TAF10: variants seen among roughly 807,000 people sequenced by gnomAD.
TAF10 encodes TATA-box binding protein associated factor 10.
Under a neutral mutation model 18.1 loss-of-function variants are expected in TAF10, and 2 were observed. The ratio of observed to expected loss-of-function variants is 0.11; its 90% CI spans 0.05 to 0.35. TAF10 has a LOEUF of 0.35. TAF10 is among the 10% of genes least tolerant of loss of function. The pLI, the probability that TAF10 is intolerant of heterozygous loss-of-function variation, is 1.00. For missense variants in TAF10, 293 were observed against 306.9 expected (o/e 0.95, Z 0.34); for synonymous variants, 158 against 134.6 (o/e 1.17, Z -1.20).
rs1196775372 is a variant in TAF10 at position 6,606,703 on chromosome 11, G to A, written c.*4219C>T. On this transcript the variant is annotated 3_prime_UTR_variant, in exon 5 of 5. Coordinates refer to ENST00000299424, the MANE Select transcript of TAF10 (RefSeq NM_006284.4). ...GTTGGCTATATGCTGGATATGAAGAGGGGGTTAATTCCTTGCAGGTCTTCT... is the reference window on the plus strand; with the variant it reads ...GTTGGCTATATGCTGGATATGAAGAAGGGGTTAATTCCTTGCAGGTCTTCT... The A allele has an allele frequency of 6.6e-6, 1 of 152,274 alleles. No homozygotes were observed. Among genetic ancestry groups the A allele is most frequent in the Non-Finnish European group, 1.5e-5 (1 of 68,100 alleles). 9.4% of individuals were successfully genotyped at this position (152,274 alleles called of 1,614,324 possible).
chr11:6,611,855 G>C, intron 1 of TAF10, 37 bp from the exon 2 acceptor site: 8 of 1,589,708 alleles, frequency 5.0e-6, no homozygotes, highest in Non-Finnish European at 6.8e-6. Flanking sequence ...ACAGAGGTGG[G>C]AGGCGCAGGG....
Position 6,606,962 on chromosome 11 carries a change from GT to G in TAF10, c.*3959del, listed in dbSNP as rs1167772320. 2 of 152,294 alleles carry G rather than the reference GT, an allele frequency of 1.3e-5. No homozygotes were observed. Among genetic ancestry groups the G allele is most frequent in the Admixed American group, 1.3e-4 (2 of 15,294 alleles). The allele number at this position is 152,294 out of a possible 1,614,324, so 9.4% of individuals were successfully genotyped here. A position where few individuals can be genotyped will look rare whatever the true frequency, so the allele number is the denominator to read the frequency against. On this transcript the variant is annotated 3_prime_UTR_variant, in exon 5 of 5. Transcript: ENST00000299424. Reference sequence around the variant, plus strand: ...AGGAAAAGCTTTTGGCTATTTCTGTGTTAGCAGATGCGAGCAAGTTGTGGAG... The same window carrying G: ...AGGAAAAGCTTTTGGCTATTTCTGTGTAGCAGATGCGAGCAAGTTGTGGAG...
At position 6,606,448 on chromosome 11, in the gene TAF10, T is replaced by C. The variant is rs969165418; in HGVS notation, c.*4474A>G. On this transcript the variant is annotated 3_prime_UTR_variant, in exon 5 of 5. Transcript: ENST00000299424. ...ATACTTTGCAAAGTCATTTGTTCCA[T>C]TTTTCATATAATTCTCAAAGGGTAC... The C allele has an allele frequency of 6.6e-6, 1 of 152,196 alleles. No homozygotes were observed. The highest frequency in any genetic ancestry group is 2.4e-5 in the African/African-American group (1 of 41,442). The allele number at this position is 152,196 out of a possible 1,614,324, so 9.4% of individuals were successfully genotyped here. A position where few individuals can be genotyped will look rare whatever the true frequency, so the allele number is the denominator to read the frequency against.
At chr11:6,611,054 G>A (rs752434549) in intron 4 of TAF10, 43 bp from the exon 5 acceptor site, 32 of 1,607,794 alleles carry the variant, frequency 2.0e-5, no homozygotes, top group African/African-American at 5.4e-5. Context: ...CAGGAATCCC[G>A]GACTTCAATC....
chr11:6,610,884 G>T lies in TAF10; in HGVS notation c.*38C>A, dbSNP rs760883316. 7 of 1,603,542 alleles carry T rather than the reference G, an allele frequency of 4.4e-6. No homozygotes were observed. The East Asian group carries it at 1.6e-4, about 36-fold the overall frequency. ...TTATTATGAAAACAGGCTGGTGTGG[G>T]GACATGGGGACAGATAAGTACATTT... On this transcript the variant is annotated 3_prime_UTR_variant, in exon 5 of 5. Transcript: ENST00000299424.
In TAF10 at chr11:6,610,695, T is replaced by C; in HGVS notation, c.*227A>G. 6.5e-7 allele frequency: 1 copy of C among 1,544,988 alleles called. No homozygotes were observed. The highest frequency in any genetic ancestry group is 1.1e-5 in the South Asian group (1 of 88,566). On this transcript the variant is annotated 3_prime_UTR_variant, in exon 5 of 5. Transcript: ENST00000299424. ...CTCCCCAAAGCAGCAGGCCTCTGGT[T>C]GCCTCCCCCGCCTCCAGTCATGGTA...
Position 6,608,538 on chromosome 11 carries a change from A to T in TAF10, c.*2384T>A. ...TGAGATGGGTAGGAAGTAAAGTCTG[A>T]GCCTTGGTGGGAGATTTTGGAACCC... On this transcript the variant is annotated 3_prime_UTR_variant, in exon 5 of 5. Coordinates refer to ENST00000299424, the MANE Select transcript of TAF10 (RefSeq NM_006284.4). The surrounding 1 kb of genome is among the most constrained non-coding windows in gnomAD (Gnocchi z 4.9). 1 of 1,518,626 alleles carries T rather than the reference A, an allele frequency of 6.6e-7. No individual in the cohort carries two copies. Among genetic ancestry groups the T allele is most frequent in the East Asian group, 2.3e-5 (1 of 44,430 alleles). The allele number at this position is 1,518,626 out of a possible 1,614,324, so 94.1% of individuals were successfully genotyped here.
At position 6,610,686 on chromosome 11, in the gene TAF10, G is replaced by A; in HGVS notation, c.*236C>T. Reference sequence around the variant, plus strand: ...GGAATGCACCTCCCCAAAGCAGCAGGCCTCTGGTTGCCTCCCCCGCCTCCA... The same window carrying A: ...GGAATGCACCTCCCCAAAGCAGCAGACCTCTGGTTGCCTCCCCCGCCTCCA... On this transcript the variant is annotated 3_prime_UTR_variant, in exon 5 of 5. Transcript: ENST00000299424. 1 of 1,559,100 alleles carries A rather than the reference G, an allele frequency of 6.4e-7. No homozygotes were observed. Among genetic ancestry groups the A allele is most frequent in the East Asian group, 2.2e-5 (1 of 44,518 alleles).
chr11:6,608,457 G>A lies in TAF10; in HGVS notation c.*2465C>T. 1 of 1,614,124 alleles carries A rather than the reference G, an allele frequency of 6.2e-7. No individual in the cohort carries two copies. Among genetic ancestry groups the A allele is most frequent in the African/African-American group, 1.3e-5 (1 of 75,066 alleles). On this transcript the variant is annotated 3_prime_UTR_variant, in exon 5 of 5. Transcript: ENST00000299424. This position sits in a 1 kb window ranked among gnomAD's most constrained non-coding sequence, Gnocchi z 4.9. Reference sequence around the variant, plus strand: ...ACACGGGAATGTGCCCCTGCACTATGCCTGTTTTTGGGGCCAAGATCAAGT... The same window carrying A: ...ACACGGGAATGTGCCCCTGCACTATACCTGTTTTTGGGGCCAAGATCAAGT...
rs935383166 is a variant in TAF10, at chr11:6,610,681, A to G, written c.*241T>C. The G allele has an allele frequency of 1.6e-5, 26 of 1,592,642 alleles. No individual in the cohort carries two copies. Among genetic ancestry groups the G allele is most frequent in the Non-Finnish European group, 2.2e-5 (26 of 1,162,340 alleles). ...TTGGGGGAATGCACCTCCCCAAAGCAGCAGGCCTCTGGTTGCCTCCCCCGC... is the reference window on the plus strand; with the variant it reads ...TTGGGGGAATGCACCTCCCCAAAGCGGCAGGCCTCTGGTTGCCTCCCCCGC... On this transcript the variant is annotated 3_prime_UTR_variant, in exon 5 of 5. Coordinates refer to ENST00000299424, the MANE Select transcript of TAF10 (RefSeq NM_006284.4).
In TAF10 at chr11:6,608,345, A is replaced by G; in HGVS notation, c.*2577T>C. Reference sequence around the variant, plus strand: ...GCCCTGACACCAGTATCTCATTTGGAACTGACTGTACTTTCTGCCTCTTCT... The same window carrying G: ...GCCCTGACACCAGTATCTCATTTGGGACTGACTGTACTTTCTGCCTCTTCT... On this transcript the variant is annotated 3_prime_UTR_variant, in exon 5 of 5. Coordinates refer to ENST00000299424, the MANE Select transcript of TAF10 (RefSeq NM_006284.4). This position sits in a 1 kb window ranked among gnomAD's most constrained non-coding sequence, Gnocchi z 4.9. The G allele has an allele frequency of 1.3e-6, 2 of 1,588,784 alleles. No individual in the cohort carries two copies. Among genetic ancestry groups the G allele is most frequent in the Non-Finnish European group, 1.7e-6 (2 of 1,156,956 alleles).
rs1389049260 is a variant in TAF10 at position 6,607,250 on chromosome 11, G to A, written c.*3672C>T. 1.3e-5 allele frequency: 2 copies of A among 152,170 alleles called. No individual in the cohort carries two copies. Among genetic ancestry groups the A allele is most frequent in the African/African-American group, 2.4e-5 (1 of 41,406 alleles). The allele number at this position is 152,170 out of a possible 1,614,324, so 9.4% of individuals were successfully genotyped here. A position where few individuals can be genotyped will look rare whatever the true frequency, so the allele number is the denominator to read the frequency against. On this transcript the variant is annotated 3_prime_UTR_variant, in exon 5 of 5. Coordinates refer to ENST00000299424, the MANE Select transcript of TAF10 (RefSeq NM_006284.4). Reference sequence around the variant, plus strand: ...GGCCCAGCTCCAAACCAATTGTTTTGTTTTGTTTGTATACTTTACTTTATA... The same window carrying A: ...GGCCCAGCTCCAAACCAATTGTTTTATTTTGTTTGTATACTTTACTTTATA...
At position 6,612,157 on chromosome 11, in the gene TAF10, C is replaced by T. The variant is rs1253886640; in HGVS notation, c.33G>A (p.Glu11=). 5.1e-6 allele frequency: 6 copies of T among 1,188,060 alleles called. No individual in the cohort carries two copies. Among genetic ancestry groups the T allele is most frequent in the South Asian group, 3.9e-5 (1 of 25,868 alleles). 73.6% of individuals were successfully genotyped at this position (1,188,060 alleles called of 1,614,324 possible). ...CCGAGGCGGCGGAGGCCGGCGCCGCCTCGGGGTCCGCGCCGGAGCCGCTGC... is the reference window on the plus strand; with the variant it reads ...CCGAGGCGGCGGAGGCCGGCGCCGCTTCGGGGTCCGCGCCGGAGCCGCTGC... MSCSGSGADP[E]AAPASAASAP... is the part of the protein sequence containing the mutation. Residue 11 remains glutamate, a synonymous_variant, in exon 1 of 5, where the codon GAG becomes GAA. Coordinates refer to ENST00000299424, the MANE Select transcript of TAF10 (RefSeq NM_006284.4).
rs958923887 is a variant in TAF10 at position 6,609,218 on chromosome 11, T to G, written c.*1704A>C. ...CCCCATAAATTACTTGCTTTGTACC[T>G]GTTTTAAGTTTTTCCTCCAGTTAGT... is the stretch of plus-strand genomic sequence containing the variant. On this transcript the variant is annotated 3_prime_UTR_variant, in exon 5 of 5. Transcript: ENST00000299424. The G allele has an allele frequency of 1.8e-5, 29 of 1,600,290 alleles. No individual in the cohort carries two copies. Among genetic ancestry groups the G allele is most frequent in the Admixed American group, 3.3e-5 (2 of 60,004 alleles).
intron 3 of TAF10, 29 bp from the exon 4 acceptor site, chr11:6,611,332 A>G (rs372820220): frequency 3.2e-5 from 52 of 1,613,970 alleles, no homozygotes; most frequent in Non-Finnish European, 4.2e-5. Flanking sequence ...GATGAGAAGG[A>G]GATGGACAAC....
rs1802670 is a variant in TAF10 at position 6,611,703 on chromosome 11, C to G, written c.348G>C (p.Leu116Phe). ...DVKPVVSSTPLVDFLMQLEDY... is the reference protein window; with the variant it reads ...DVKPVVSSTPFVDFLMQLEDY... ...CTTCCAGCTGCATCAAGAAGTCCAC[C>G]AAAGGCGTGCTGGACACCACGGGCT... Residue 116 changes from leucine to phenylalanine, a missense_variant, in exon 2 of 5, where the codon TTG (leucine) becomes TTC (phenylalanine). Coordinates refer to ENST00000299424, the MANE Select transcript of TAF10 (RefSeq NM_006284.4). The G allele has an allele frequency of 7.5e-6, 12 of 1,608,218 alleles. No homozygotes were observed. The highest frequency in any genetic ancestry group is 3.4e-5 in the Admixed American group (2 of 59,234).
At position 6,606,412 on chromosome 11, in the gene TAF10, A is replaced by G. The variant is rs545091022; in HGVS notation, c.*4510T>C. ...ACTGGTTCCCATTAGGTTCTACACTATTTCTCTTTAATACTTTGCAAAGTC... is the reference window on the plus strand; with the variant it reads ...ACTGGTTCCCATTAGGTTCTACACTGTTTCTCTTTAATACTTTGCAAAGTC... On this transcript the variant is annotated 3_prime_UTR_variant, in exon 5 of 5. Coordinates refer to ENST00000299424, the MANE Select transcript of TAF10 (RefSeq NM_006284.4). The G allele has an allele frequency of 1.3e-5, 2 of 152,262 alleles. No homozygotes were observed. Among genetic ancestry groups the G allele is most frequent in the South Asian group, 2.1e-4 (1 of 4,832 alleles). 9.4% of individuals were successfully genotyped at this position (152,262 alleles called of 1,614,324 possible).
rs766210285 is a variant in TAF10 at position 6,608,925 on chromosome 11, T to C, written c.*1997A>G. 4 of 1,614,188 alleles carry C rather than the reference T, an allele frequency of 2.5e-6. No homozygotes were observed. Among genetic ancestry groups the C allele is most frequent in the South Asian group, 1.1e-5 (1 of 91,086 alleles). On this transcript the variant is annotated 3_prime_UTR_variant, in exon 5 of 5. Transcript: ENST00000299424. This position sits in a 1 kb window ranked among gnomAD's most constrained non-coding sequence, Gnocchi z 4.9. Reference sequence around the variant, plus strand: ...GGGCCAGAATCTCAACCGTATTCCATACAAGGACACATTCTGGAAGGGGAC... The same window carrying C: ...GGGCCAGAATCTCAACCGTATTCCACACAAGGACACATTCTGGAAGGGGAC...
chr11:6,609,321 G>C lies in TAF10; in HGVS notation c.*1601C>G, dbSNP rs374924048. Reference sequence around the variant, plus strand: ...CAGCTATGGAAGGGCCGCTGGCAGGGCAATGACATTGTCGTGAAGGTGCTG... The same window carrying C: ...CAGCTATGGAAGGGCCGCTGGCAGGCCAATGACATTGTCGTGAAGGTGCTG... On this transcript the variant is annotated 3_prime_UTR_variant, in exon 5 of 5. Transcript: ENST00000299424. 2 of 1,614,116 alleles carry C rather than the reference G, an allele frequency of 1.2e-6. No homozygotes were observed. Among genetic ancestry groups the C allele is most frequent in the African/African-American group, 1.3e-5 (1 of 75,016 alleles).
Sources: allele counts gnomAD v4.1 joint callset, GRCh38; gene constraint gnomAD v4.1.1; non-coding constraint Gnocchi (gnomAD v3.1); transcripts MANE v1.5; gene names NCBI Gene and HGNC (gene_info 2026-07-23, HGNC 2026-07-21).